HDAC4: variants seen among roughly 807,000 people sequenced by gnomAD.
HDAC4 encodes the protein histone deacetylase 4.
A neutral mutation model predicts 135.1 loss-of-function variants in HDAC4; 16 were observed. That is an observed-to-expected ratio of 0.12 (90% CI 0.08 to 0.18). HDAC4 has a LOEUF of 0.18. Among genes scored for constraint, HDAC4 ranks in the 10% least tolerant of loss-of-function variants. The pLI, the probability that HDAC4 is intolerant of heterozygous loss-of-function variation, is 1.00. For synonymous variants in HDAC4, 685 were observed against 653.4 expected, an observed-to-expected ratio of 1.05 and a Z score of -0.74; for missense variants, 1,143 against 1,511.8, an observed-to-expected ratio of 0.76 and a Z score of 4.05.
At position 239,078,485 on chromosome 2, in the gene HDAC4, G is replaced by A. The variant is rs189306597; in HGVS notation, c.2750+2610C>T. Reference sequence around the variant, plus strand: ...TTCTTCCCCATCATCGGATGCCCAGGGAACCATAAATTGTAAACTTCAAAG... The same window carrying A: ...TTCTTCCCCATCATCGGATGCCCAGAGAACCATAAATTGTAAACTTCAAAG... On this transcript the variant is annotated intron_variant, in intron 22 of 26. Transcript: ENST00000543185. 9.8e-4 allele frequency among the ~76,000 whole-genome samples: 149 copies of A among 152,044 alleles called. 2 individuals carry two copies. Among genetic ancestry groups the A allele is most frequent in the African/African-American group, 3.4e-3 (140 of 41,482 alleles).
intron 2 of HDAC4, among the ~76,000 whole-genome samples, chr2:239,253,703 T>C (rs1231141912): frequency 6.6e-6 from 1 of 152,126 alleles, no homozygotes; most frequent in Admixed American, 6.5e-5. Context: ...CCTAATATTG[T>C]AGGCAGAGTT....
intron 8 of HDAC4, among the ~76,000 whole-genome samples, chr2:239,142,200 T>A (rs1034530573): frequency 6.6e-6 from 1 of 152,158 alleles, no homozygotes; most frequent in East Asian, 1.9e-4. Context: ...AGACACCCAA[T>A]TAATTAGTGA....
At chr2:239,385,794 G>A (rs953049959) in intron 1 of HDAC4, among the ~76,000 whole-genome samples, 2 of 152,190 alleles carry the variant, frequency 1.3e-5, no homozygotes, top group Non-Finnish European at 2.9e-5. Flanking sequence ...GGTGAGTGCC[G>A]AGGAAGCCAC....
At chr2:239,060,643 C>T (rs1035560342) in intron 24 of HDAC4, among the ~76,000 whole-genome samples, 8 of 152,368 alleles carry the variant, frequency 5.3e-5, no homozygotes, top group Admixed American at 5.2e-4. Context: ...ACAGTTTTAA[C>T]CCTTAAAAAG....
chr2:239,094,201 G>A lies in HDAC4; in HGVS notation c.2280+809C>T, dbSNP rs533446230. Reference sequence around the variant, plus strand: ...GGACCATGATGGCCCGGATCTGCTCGGACGCTCCGCCTCAGCTTCTCATGG... The same window carrying A: ...GGACCATGATGGCCCGGATCTGCTCAGACGCTCCGCCTCAGCTTCTCATGG... On this transcript the variant is annotated intron_variant, in intron 17 of 26. Transcript: ENST00000543185. The A allele has an allele frequency of 3.7e-4, 361 of 985,410 alleles. 2 individuals carry two copies. The African/African-American group carries it at 5.5e-3, about 15-fold the overall frequency. The allele number at this position is 985,410 out of a possible 1,614,324, so 61.0% of individuals were successfully genotyped here. A position where few individuals can be genotyped will look rare whatever the true frequency, so the allele number is the denominator to read the frequency against.
intron 2 of HDAC4, among the ~76,000 whole-genome samples, chr2:239,275,647 G>A (rs2050315058): frequency 6.6e-6 from 1 of 152,148 alleles, no homozygotes; most frequent in Non-Finnish European, 1.5e-5. Context: ...GGCACACCTG[G>A]GTTCGGTACT....
chr2:239,080,088 CCACA>C (rs948396454), intron 22 of HDAC4, among the ~76,000 whole-genome samples: 4 of 148,990 alleles, frequency 2.7e-5, no homozygotes, highest in Non-Finnish European at 5.9e-5. Context: ...GAACACCCAC[CCACA>C]CAGACACACA....
At chr2:239,314,549 C>T (rs1034091534) in intron 2 of HDAC4, among the ~76,000 whole-genome samples, 1 of 152,200 alleles carries the variant, frequency 6.6e-6, no homozygotes, top group African/African-American at 2.4e-5. Context: ...TAATAACTAT[C>T]AGAAGTGTCA....
chr2:239,356,905 G>A (rs1261982001), intron 1 of HDAC4, among the ~76,000 whole-genome samples: 1 of 151,908 alleles, frequency 6.6e-6, no homozygotes, highest in Non-Finnish European at 1.5e-5. Flanking sequence ...AGCATAAGAA[G>A]AAATGGACAA....
rs539430985 is a variant in HDAC4, at chr2:239,280,614, C to G, written c.23-43950G>C. On this transcript the variant is annotated intron_variant, in intron 2 of 26. Transcript: ENST00000543185. ...GCATTGTGGCCTCTGCCAGGAGGCT[C>G]GGGGGCCTCTCTCCCGCGTGAGGAA... is the stretch of plus-strand genomic sequence containing the variant. Among the ~76,000 whole-genome samples the G allele has an allele frequency of 1.7e-4, 26 of 152,160 alleles. 1 individual carries two copies. In the Middle Eastern group the frequency reaches 0.01, roughly 60 times the overall value.
At chr2:239,370,140 G>A (rs1464979735) in intron 1 of HDAC4, among the ~76,000 whole-genome samples, 4 of 152,226 alleles carry the variant, frequency 2.6e-5, no homozygotes, top group East Asian at 3.8e-4. Context: ...GTAGCATCCC[G>A]ACTTTTCCCA....
At position 239,236,601 on chromosome 2, in the gene HDAC4, G is replaced by A; in HGVS notation, c.86C>T (p.Pro29Leu). 1.9e-6 allele frequency: 3 copies of A among 1,551,600 alleles called. No homozygotes were observed. Among genetic ancestry groups the A allele is most frequent in the South Asian group, 1.2e-5 (1 of 84,054 alleles). ...GGGGTGGGCGGACTTACCCGTGCTG[G>A]GCATGTGGTTCACGCGGGCAGGATT... Reference protein sequence around the residue: ...LLNPARVNHMPSTVDVATALP... With the variant: ...LLNPARVNHMLSTVDVATALP... The change falls in exon 3 of 27, where the codon CCC (proline) becomes CTC (leucine). Residue 29 changes from proline (P) to leucine (L), a missense_variant. This residue lies in a region of HDAC4 where 247 missense variants were observed against 310.0 expected (regional missense o/e 0.80). Coordinates refer to ENST00000543185, the MANE Select transcript of HDAC4 (RefSeq NM_001378414.1).
chr2:239,107,249 C>T (rs933488992), intron 15 of HDAC4, among the ~76,000 whole-genome samples: 13 of 152,334 alleles, frequency 8.5e-5, no homozygotes, highest in African/African-American at 2.2e-4. Flanking sequence ...AGGTGTTAAT[C>T]GGCTGATCCT....
At chr2:239,080,604 C>A (rs562874376) in intron 22 of HDAC4, among the ~76,000 whole-genome samples, 9 of 152,040 alleles carry the variant, frequency 5.9e-5, no homozygotes, top group South Asian at 4.2e-4. Context: ...GCGCGCCCTG[C>A]GGCTAAATGC....
At chr2:239,205,672 A>C (rs75697269) in intron 3 of HDAC4, among the ~76,000 whole-genome samples, 2,897 of 152,196 alleles carry the variant, frequency 0.019, 89 homozygotes, top group African/African-American at 0.065. Flanking sequence ...AGGAAGAAGA[A>C]GAAAGAAGAA....
At chr2:239,319,433 G>C (rs1274911112) in intron 2 of HDAC4, among the ~76,000 whole-genome samples, 1 of 152,268 alleles carries the variant, frequency 6.6e-6, no homozygotes, top group Non-Finnish European at 1.5e-5. Context: ...TGGCGGTCAG[G>C]CACAGGCCAG....
At chr2:239,158,503 G>C (rs1447060834) in intron 6 of HDAC4, among the ~76,000 whole-genome samples, 3 of 152,118 alleles carry the variant, frequency 2.0e-5, no homozygotes, top group Non-Finnish European at 4.4e-5. Context: ...TTACTATTCT[G>C]ATCTCTTGAG....
intron 12 of HDAC4, among the ~76,000 whole-genome samples, chr2:239,125,104 T>G (rs1405995532): frequency 6.6e-6 from 1 of 152,260 alleles, no homozygotes; most frequent in Non-Finnish European, 1.5e-5. Flanking sequence ...ATACGGTTAT[T>G]ACGACTGATA....
At chr2:239,138,790 C>T (rs1248658239) in intron 9 of HDAC4, among the ~76,000 whole-genome samples, 2 of 152,168 alleles carry the variant, frequency 1.3e-5, no homozygotes, top group African/African-American at 4.8e-5. Context: ...CTGGGCCTGG[C>T]ACAAGGCGCT....
Sources: gnomAD v4.1 joint callset for allele counts (sites outside exome capture counted in the v4.1 genomes callset) on GRCh38, gnomAD v4.1.1 for gene constraint, gnomAD v4.1.1 regional missense constraint, MANE v1.5 for transcripts, NCBI Gene and HGNC (gene_info 2026-07-23, HGNC 2026-07-21) for gene names.